Variants in SEC22A observed in about 807,000 individuals in gnomAD.
SEC22A encodes the protein vesicle-trafficking protein SEC22a.
A neutral mutation model predicts 35.3 loss-of-function variants in SEC22A; 22 were observed. The ratio of observed to expected loss-of-function variants is 0.62; its 90% CI spans 0.45 to 0.89. The LOEUF is 0.89. Ranked by LOEUF, SEC22A falls within the 40% of genes least tolerant of loss-of-function variation. SEC22A has a pLI of 0.00. For missense variants in SEC22A, 354 were observed against 362.5 expected (o/e 0.98, Z 0.19); for synonymous variants, 119 against 129.5 (o/e 0.92, Z 0.55).
At chr3:123,212,998 AG>A (rs1266336781) in intron 2 of SEC22A, among the ~76,000 whole-genome samples, 2 of 152,234 alleles carry the variant, frequency 1.3e-5, no homozygotes, top group African/African-American at 2.4e-5. Flanking sequence ...ACATTCTTCC[AG>A]CAACTATAAT....
chr3:123,242,276 G>A (rs193205611), intron 4 of SEC22A, among the ~76,000 whole-genome samples: 51 of 152,068 alleles, frequency 3.4e-4, no homozygotes, highest in Admixed American at 2.9e-3. Context: ...TGTTAAACAC[G>A]GCCCACCATC....
chr3:123,225,430 CT>C (rs1297677076), intron 4 of SEC22A, 133 bp downstream of exon 4: 1 of 483,924 alleles, frequency 2.1e-6, no homozygotes, highest in Non-Finnish European at 3.4e-6. Context: ...CAAAGCAATC[CT>C]TTCAGTGATT....
chr3:123,239,889 T>C (rs1189459278), intron 4 of SEC22A, among the ~76,000 whole-genome samples: 1 of 152,162 alleles, frequency 6.6e-6, no homozygotes, highest in African/African-American at 2.4e-5. Context: ...GAACTTTTAT[T>C]GTGGTTTTGG....
intron 5 of SEC22A, among the ~76,000 whole-genome samples, chr3:123,249,924 A>C (rs1426231241): frequency 6.6e-6 from 1 of 152,176 alleles, no homozygotes; most frequent in East Asian, 1.9e-4. Context: ...AAAAAGACCA[A>C]ATATGGAAAC....
chr3:123,256,268 T>C (rs967541885), intron 5 of SEC22A, among the ~76,000 whole-genome samples: 1 of 152,230 alleles, frequency 6.6e-6, no homozygotes, highest in Non-Finnish European at 1.5e-5. Context: ...GATCAAACTC[T>C]TTCCTGAAGC....
intron 6 of SEC22A, among the ~76,000 whole-genome samples, chr3:123,269,943 T>TA (rs1553713680): frequency 5.9e-5 from 9 of 151,526 alleles, no homozygotes; most frequent in East Asian, 1.9e-4. Context: ...AAAATTTTTT[T>TA]AAAAAAAGAT....
At chr3:123,253,006 T>C (rs1255571783) in intron 5 of SEC22A, among the ~76,000 whole-genome samples, 1 of 152,230 alleles carries the variant, frequency 6.6e-6, no homozygotes, top group Non-Finnish European at 1.5e-5. Flanking sequence ...TTTTTTCACA[T>C]TGGCTTATAT....
chr3:123,245,992 A>T lies in SEC22A; in HGVS notation c.635A>T (p.His212Leu). The stretch of plus-strand genomic sequence containing the variant: ...GCTCTGAATTTAATTCGAGGCTTTC[A>T]TGCTATAGAAAGTCTCCTGCAGGTA... ...CGALNLIRGFHAIESLLQSDG... is the reference protein window; with the variant it reads ...CGALNLIRGFLAIESLLQSDG... Residue 212 changes from histidine (H) to leucine (L), a missense_variant, in exon 5 of 7, where the codon CAT (histidine) becomes CTT (leucine). Transcript: ENST00000492595. 6.2e-7 allele frequency: 1 copy of T among 1,606,696 alleles called. No individual in the cohort carries two copies. Among genetic ancestry groups the T allele is most frequent in the Non-Finnish European group, 8.5e-7 (1 of 1,173,358 alleles).
At chr3:123,256,695 G>T (rs757140868) in intron 5 of SEC22A, among the ~76,000 whole-genome samples, 18 of 151,092 alleles carry the variant, frequency 1.2e-4, no homozygotes, top group Admixed American at 2.0e-4. Context: ...ATTGACTTAC[G>T]TATCTGCCTT....
chr3:123,226,097 T>G (rs1182163689), intron 4 of SEC22A, among the ~76,000 whole-genome samples: 1 of 152,236 alleles, frequency 6.6e-6, no homozygotes, highest in African/African-American at 2.4e-5. Context: ...TCCGTTTGTC[T>G]GATGATGGGC....
intron 2 of SEC22A, 83 bp from the exon 3 acceptor site, chr3:123,223,476 T>C (rs1355661152): frequency 9.6e-6 from 10 of 1,036,322 alleles, no homozygotes; most frequent in Non-Finnish European, 1.3e-5. Flanking sequence ...TAGCAGTTTA[T>C]GGTGTATAGA....
At chr3:123,239,901 G>A (rs927178705) in intron 4 of SEC22A, among the ~76,000 whole-genome samples, 1 of 152,148 alleles carries the variant, frequency 6.6e-6, no homozygotes, top group African/African-American at 2.4e-5. Flanking sequence ...TGGTTTTGGT[G>A]GTAAGGAATG....
intron 4 of SEC22A, among the ~76,000 whole-genome samples, chr3:123,238,263 A>G (rs887099653): frequency 6.6e-5 from 10 of 152,284 alleles, no homozygotes; most frequent in Admixed American, 4.6e-4. Flanking sequence ...CAGTGGCGCA[A>G]TCTCAGCCCA....
chr3:123,263,263 C>A (rs1232541983), intron 6 of SEC22A, among the ~76,000 whole-genome samples: 1 of 152,188 alleles, frequency 6.6e-6, no homozygotes, highest in Non-Finnish European at 1.5e-5. Context: ...ATCTGGAAGT[C>A]CAGATGCTGG....
intron 5 of SEC22A, among the ~76,000 whole-genome samples, chr3:123,255,137 CTTGT>C (rs775366602): frequency 1.1e-3 from 160 of 152,240 alleles, no homozygotes; most frequent in Non-Finnish European, 2.1e-3. Flanking sequence ...TAAACATTTC[CTTGT>C]TTAATTTCAA....
intron 5 of SEC22A, among the ~76,000 whole-genome samples, chr3:123,248,618 A>G (rs540748305): frequency 2.0e-5 from 3 of 152,264 alleles, no homozygotes; most frequent in Non-Finnish European, 4.4e-5. Flanking sequence ...CCATGTTTAT[A>G]GACAGGAAGA....
intron 3 of SEC22A, 109 bp from the exon 4 acceptor site, chr3:123,224,994 C>A (rs1198555960): frequency 4.2e-6 from 3 of 710,750 alleles, no homozygotes; most frequent in Non-Finnish European, 6.9e-6. Flanking sequence ...ACGAATTGAA[C>A]AATTTTGAAT....
intron 4 of SEC22A, among the ~76,000 whole-genome samples, chr3:123,242,109 C>T (rs1937529356): frequency 6.6e-6 from 1 of 152,126 alleles, no homozygotes; most frequent in Non-Finnish European, 1.5e-5. Context: ...ACTTGATTCT[C>T]CTGCATCTGC....
intron 5 of SEC22A, among the ~76,000 whole-genome samples, chr3:123,255,212 A>C (rs896745051): frequency 6.6e-6 from 1 of 152,220 alleles, no homozygotes; most frequent in Non-Finnish European, 1.5e-5. Context: ...TAATGTATTT[A>C]CATTTTTCTT....
Sources: gnomAD v4.1 joint callset for allele counts (sites outside exome capture counted in the v4.1 genomes callset) on GRCh38, gnomAD v4.1.1 for gene constraint, MANE v1.5 for transcripts, NCBI Gene and HGNC (gene_info 2026-07-23, HGNC 2026-07-21) for gene names.